ZFP64: variants seen among roughly 807,000 people sequenced by gnomAD.
ZFP64 encodes zinc finger protein 64.
Under a neutral mutation model 51.6 loss-of-function variants are expected in ZFP64, and 14 were observed. The ratio of observed to expected loss-of-function variants is 0.27; its 90% CI spans 0.18 to 0.42. The LOEUF (loss-of-function observed/expected upper bound fraction) is 0.42, where lower values mean the gene tolerates loss of function less well. Among genes scored for constraint, ZFP64 ranks in the 10% least tolerant of loss-of-function variants. The probability of loss-of-function intolerance (pLI) is 1.00; values close to 1 mark genes in which losing one functional copy is unlikely to be tolerated. For missense variants in ZFP64, 754 were observed against 906.8 expected, an observed-to-expected ratio of 0.83 and a Z score of 2.16; for synonymous variants, 375 against 361.4, an observed-to-expected ratio of 1.04 and a Z score of -0.43.
At chr20:52,095,823 G>C (rs6091440) in intron 7 of ZFP64, among the ~76,000 whole-genome samples, 39,048 of 152,086 alleles carry the variant, frequency 0.26, 6,696 homozygotes, top group African/African-American at 0.49. Context: ...TGAATTTTAA[G>C]ATTTTTGGCC....
At chr20:52,113,496 C>T (rs181424922) in intron 5 of ZFP64, among the ~76,000 whole-genome samples, 8 of 138,868 alleles carry the variant, frequency 5.8e-5, no homozygotes, top group Admixed American at 1.6e-4. Flanking sequence ...GGCGCGATCT[C>T]GGCTCACTGC....
At chr20:52,094,941 G>A (rs1413714084) in intron 7 of ZFP64, among the ~76,000 whole-genome samples, 1 of 152,178 alleles carries the variant, frequency 6.6e-6, no homozygotes, top group African/African-American at 2.4e-5. Flanking sequence ...CCCAAAGCAT[G>A]CCCATGACGG....
At chr20:52,170,617 G>A (rs994676107) in intron 2 of ZFP64, among the ~76,000 whole-genome samples, 1 of 152,166 alleles carries the variant, frequency 6.6e-6, no homozygotes, top group Non-Finnish European at 1.5e-5. Context: ...TACCTCCTTG[G>A]TCCTCAGTTT....
chr20:52,115,440 G>T (rs1978815003), intron 5 of ZFP64, among the ~76,000 whole-genome samples: 1 of 146,574 alleles, frequency 6.8e-6, no homozygotes, highest in South Asian at 2.2e-4. Context: ...TTGGAGACAG[G>T]GTCTCACTCT....
chr20:52,160,514 T>G lies in ZFP64; in HGVS notation c.512-140A>C. On this transcript the variant is annotated intron_variant, in intron 4 of 5. Transcript: ENST00000216923. This position sits in a 1 kb window ranked among gnomAD's most constrained non-coding sequence, Gnocchi z 4.2. ...AAACCCTAAAACACTGGGTGGATGA[T>G]TGGCAAAGAGCTAACATCTTGGGAG... The G allele has an allele frequency of 8.5e-7, 1 of 1,171,526 alleles. No individual in the cohort carries two copies. The highest frequency in any genetic ancestry group is 1.8e-5 in the South Asian group (1 of 56,974). The allele number at this position is 1,171,526 out of a possible 1,614,324, so 72.6% of individuals were successfully genotyped here.
At chr20:52,168,045 G>T (rs1269560621) in intron 2 of ZFP64, among the ~76,000 whole-genome samples, 2 of 151,972 alleles carry the variant, frequency 1.3e-5, no homozygotes, top group Non-Finnish European at 1.5e-5. Context: ...TATATTTATC[G>T]AATGGGCTTT....
chr20:52,113,864 T>C (rs531267947), intron 5 of ZFP64, among the ~76,000 whole-genome samples: 3 of 152,234 alleles, frequency 2.0e-5, no homozygotes, highest in African/African-American at 7.2e-5. Context: ...AAGGTCACTT[T>C]AGAGGGCAAT....
chr20:52,147,905 C>T (rs1014510466), downstream of ZFP64, among the ~76,000 whole-genome samples: 1 of 152,184 alleles, frequency 6.6e-6, no homozygotes, highest in Admixed American at 6.5e-5. Flanking sequence ...CCTGTAATCC[C>T]AGCTACTCAA....
chr20:52,164,809 G>T, intron 3 of ZFP64, 52 bp from the exon 4 acceptor site: 1 of 1,504,236 alleles, frequency 6.6e-7, no homozygotes, highest in Non-Finnish European at 9.2e-7. Flanking sequence ...GTAACTTTTA[G>T]CATGGAGAAA....
chr20:52,123,822 T>C (rs7273176), intron 5 of ZFP64, among the ~76,000 whole-genome samples: 63,581 of 150,444 alleles, frequency 0.42, 14,415 homozygotes, highest in Admixed American at 0.51. Flanking sequence ...TAGAGGGTGG[T>C]ATGTCTGTTA....
chr20:52,095,135 G>C (rs2078974793), intron 7 of ZFP64, among the ~76,000 whole-genome samples: 1 of 152,222 alleles, frequency 6.6e-6, no homozygotes, highest in Admixed American at 6.5e-5. Flanking sequence ...AACTGGGTCA[G>C]AGACACACGC....
chr20:52,139,774 GT>G lies in ZFP64; in HGVS notation c.763+20348del, dbSNP rs145392417. 6.2e-3 allele frequency among the ~76,000 whole-genome samples: 936 copies of G among 151,024 alleles called. 14 individuals carry two copies. Among genetic ancestry groups the G allele is most frequent in the African/African-American group, 0.021 (870 of 41,104 alleles). ...ATCAGAAACCAAAAGCCAAAATATAGTTTCACAAATTGTAATACAGGCACAC... is the reference window on the plus strand; with the variant it reads ...ATCAGAAACCAAAAGCCAAAATATAGTTCACAAATTGTAATACAGGCACAC... On this transcript the variant is annotated intron_variant, in intron 5 of 8. Transcript: ENST00000361387.
chr20:52,084,758 G>A lies in ZFP64; in HGVS notation c.1737C>T (p.Ala579=), dbSNP rs1331432141. The A allele has an allele frequency of 9.3e-6, 15 of 1,614,118 alleles. No homozygotes were observed. The African/African-American group carries it at 1.6e-4, about 17-fold the overall frequency. Reference sequence around the variant, plus strand: ...AGGCGCCGCAGGTCTCACAGCGGAAGGCCCTCTGCGTCACGATCTTGGCCA... The same window carrying A: ...AGGCGCCGCAGGTCTCACAGCGGAAAGCCCTCTGCGTCACGATCTTGGCCA... Residue 579 remains alanine (A), a synonymous_variant, in exon 9 of 9, where the codon GCC becomes GCT. Transcript: ENST00000361387.
chr20:52,095,713 G>T (rs1040888647), intron 7 of ZFP64, among the ~76,000 whole-genome samples: 49 of 152,310 alleles, frequency 3.2e-4, no homozygotes, highest in African/African-American at 1.1e-3. Flanking sequence ...ATGCTCTGCG[G>T]TACCTCAAGA....
intron 6 of ZFP64, among the ~76,000 whole-genome samples, chr20:52,097,672 C>G (rs2079004721): frequency 6.6e-6 from 1 of 152,014 alleles, no homozygotes; most frequent in African/African-American, 2.4e-5. Context: ...CCAGGCTGGT[C>G]TGGTCTCAAA....
intron 5 of ZFP64, among the ~76,000 whole-genome samples, chr20:52,115,212 A>AG (rs957307684): frequency 1.3e-5 from 2 of 150,772 alleles, no homozygotes; most frequent in Non-Finnish European, 2.9e-5. Flanking sequence ...AAAAAAAAAA[A>AG]AAAGAAACAC....
intron 5 of ZFP64, among the ~76,000 whole-genome samples, chr20:52,134,617 C>T (rs543499376): frequency 2.0e-5 from 3 of 151,982 alleles, no homozygotes; most frequent in Non-Finnish European, 2.9e-5. Context: ...GCCATTCCCA[C>T]GATAGGAAAC....
intron 4 of ZFP64, 116 bp downstream of exon 4, chr20:52,164,579 T>A (rs1255982256): frequency 1.1e-6 from 1 of 884,294 alleles, no homozygotes; most frequent in African/African-American, 1.7e-5. Flanking sequence ...TGGACTTGTA[T>A]TCCCATAACA....
intron 2 of ZFP64, among the ~76,000 whole-genome samples, chr20:52,172,188 T>G (rs569113512): frequency 5.7e-4 from 86 of 150,264 alleles, no homozygotes; most frequent in African/African-American, 1.7e-3. Flanking sequence ...TTGCCAGGGG[T>G]GTGTGTGTGT....
Sources: allele counts gnomAD v4.1 joint callset (sites outside exome capture counted in the v4.1 genomes callset), GRCh38; gene constraint gnomAD v4.1.1; non-coding constraint Gnocchi (gnomAD v3.1); transcripts MANE v1.5; gene names NCBI Gene and HGNC (gene_info 2026-07-23, HGNC 2026-07-21).